ITSN2: variants seen among roughly 807,000 people sequenced by gnomAD.
ITSN2 encodes the protein intersectin 2.
A neutral mutation model predicts 243.7 loss-of-function variants in ITSN2; 156 were observed. The ratio of observed to expected loss-of-function variants is 0.64; its 90% CI spans 0.56 to 0.73. The LOEUF (loss-of-function observed/expected upper bound fraction) is 0.73. ITSN2 is among the 30% of genes least tolerant of loss of function. The pLI is 0.00. For synonymous variants in ITSN2, 703 were observed against 699.9 expected (o/e 1.00, Z -0.07); for missense variants, 1,801 against 1,996.1 (o/e 0.90, Z 1.86).
chr2:24,212,501 G>C, intron 33 of ITSN2, 149 bp downstream of exon 33: 1 of 587,892 alleles, frequency 1.7e-6, no homozygotes, highest in Admixed American at 3.2e-5. Flanking sequence ...ACAGGCATCT[G>C]GTCCCCGGGA....
intron 1 of ITSN2, among the ~76,000 whole-genome samples, chr2:24,336,174 G>A (rs552685911): frequency 8.0e-5 from 12 of 150,778 alleles, no homozygotes; most frequent in African/African-American, 2.7e-4. Context: ...CCCAGGAGGC[G>A]GAGCTTGCAG....
intron 29 of ITSN2, among the ~76,000 whole-genome samples, chr2:24,232,297 A>C (rs994463119): frequency 1.3e-5 from 2 of 152,254 alleles, no homozygotes; most frequent in Admixed American, 6.5e-5. Flanking sequence ...GTCATATTCT[A>C]GAATTTCCAA....
chr2:24,285,390 C>T (rs1679371312), intron 16 of ITSN2, among the ~76,000 whole-genome samples: 1 of 152,118 alleles, frequency 6.6e-6, no homozygotes, highest in Admixed American at 6.5e-5. Flanking sequence ...CTTTAGCATG[C>T]TGTTTACTCT....
Position 24,316,533 on chromosome 2 carries a change from G to A in ITSN2, c.32-1309C>T, listed in dbSNP as rs1412380085. On this transcript the variant is annotated intron_variant, in intron 2 of 39. Coordinates refer to ENST00000355123, the MANE Select transcript of ITSN2 (RefSeq NM_006277.3). ...CCTGACCTCATGATCCACCCACCTC[G>A]GCCTCCCAAAGTGCTGGGATTACAG... Among the ~76,000 whole-genome samples the A allele has an allele frequency of 3.3e-5, 5 of 152,100 alleles. 1 individual carries two copies. The highest frequency in any genetic ancestry group is 4.1e-4 in the South Asian group (2 of 4,822).
intron 17 of ITSN2, among the ~76,000 whole-genome samples, chr2:24,284,381 A>G (rs1365409524): frequency 6.6e-6 from 1 of 152,168 alleles, no homozygotes; most frequent in Non-Finnish European, 1.5e-5. Context: ...ATAAAGTATT[A>G]AGTTTTATTT....
At chr2:24,304,713 TC>T (rs1464012524) in intron 8 of ITSN2, among the ~76,000 whole-genome samples, 4 of 152,032 alleles carry the variant, frequency 2.6e-5, no homozygotes, top group African/African-American at 9.7e-5. Flanking sequence ...CGAAAAAAGA[TC>T]CTTTTGGACT....
At chr2:24,337,175 C>T (rs1176344080) in intron 1 of ITSN2, among the ~76,000 whole-genome samples, 2 of 148,206 alleles carry the variant, frequency 1.3e-5, no homozygotes, top group African/African-American at 5.0e-5. Context: ...CTTCATGATT[C>T]AATATTTTGA....
intron 1 of ITSN2, among the ~76,000 whole-genome samples, chr2:24,331,542 G>C (rs1413909987): frequency 6.6e-6 from 1 of 152,188 alleles, no homozygotes; most frequent in Non-Finnish European, 1.5e-5. Context: ...CAGGAGGAGG[G>C]ATTCCCTGAC....
At chr2:24,226,613 T>G (rs1307282579) in intron 29 of ITSN2, among the ~76,000 whole-genome samples, 1 of 152,130 alleles carries the variant, frequency 6.6e-6, no homozygotes, top group Admixed American at 6.5e-5. Flanking sequence ...GTGCTCAGAC[T>G]TTGTCTGAAA....
rs1183351799 is a variant in ITSN2 at position 24,203,722 on chromosome 2, G to A, written c.4998C>T (p.Gly1666=). The change falls in exon 40 of 40, where the codon GGC becomes GGT. Residue 1666 remains glycine (G), a synonymous_variant. Transcript: ENST00000355123. ...AKIRTEQESK[G]PMTRRLLLHE... is the part of the protein sequence containing the mutation. ...GCAGCAGCAGTCGGCGGGTCATAGG[G>A]CCTTTGCTTTCCTGTTCTGTTCGAA... The A allele has an allele frequency of 6.2e-7, 1 of 1,614,066 alleles. No individual in the cohort carries two copies. The highest frequency in any genetic ancestry group is 1.3e-5 in the African/African-American group (1 of 74,930).
intron 1 of ITSN2, among the ~76,000 whole-genome samples, chr2:24,337,325 T>TATATATAC (rs1686521686): frequency 1.1e-5 from 1 of 94,472 alleles, no homozygotes; most frequent in East Asian, 2.8e-4. Flanking sequence ...AATATATATA[T>TATATATAC]ATATATATAT....
chr2:24,315,979 A>C (rs765670740), intron 2 of ITSN2, among the ~76,000 whole-genome samples: 3 of 152,220 alleles, frequency 2.0e-5, no homozygotes, highest in Non-Finnish European at 2.9e-5. Flanking sequence ...CTGAGTTAGA[A>C]GCACCAAGGA....
intron 1 of ITSN2, among the ~76,000 whole-genome samples, chr2:24,347,856 C>G (rs1040626643): frequency 2.6e-5 from 4 of 151,848 alleles, no homozygotes; most frequent in Non-Finnish European, 4.4e-5. Flanking sequence ...GAGAATCATT[C>G]GAGGCTGGGA....
chr2:24,316,617 G>GA (rs1683968001), intron 2 of ITSN2, among the ~76,000 whole-genome samples: 1 of 152,180 alleles, frequency 6.6e-6, no homozygotes, highest in Non-Finnish European at 1.5e-5. Flanking sequence ...AATAATTTTA[G>GA]ATTTACAGAA....
intron 8 of ITSN2, among the ~76,000 whole-genome samples, chr2:24,307,502 C>T (rs546142092): frequency 6.6e-6 from 1 of 152,196 alleles, no homozygotes; most frequent in South Asian, 2.1e-4. Flanking sequence ...GTGAACCTAC[C>T]ACCCATCTTA....
At chr2:24,254,580 TTA>T in intron 23 of ITSN2, 149 bp from the exon 24 acceptor site, 1 of 512,278 alleles carries the variant, frequency 2.0e-6, no homozygotes, top group Admixed American at 3.2e-5. Context: ...CTGGGAAGAC[TTA>T]TACACAACAT....
intron 2 of ITSN2, among the ~76,000 whole-genome samples, chr2:24,324,164 G>A (rs1290515573): frequency 1.3e-5 from 2 of 152,098 alleles, no homozygotes; most frequent in Non-Finnish European, 2.9e-5. Context: ...CCCAGTAGGC[G>A]GAGCTTGCAG....
At chr2:24,287,614 A>G (rs566094606) in intron 15 of ITSN2, among the ~76,000 whole-genome samples, 2 of 152,176 alleles carry the variant, frequency 1.3e-5, no homozygotes, top group East Asian at 1.9e-4. Flanking sequence ...AGAAACCTTC[A>G]TACTGTTTTC....
chr2:24,209,661 G>C (rs1400805615), intron 35 of ITSN2, among the ~76,000 whole-genome samples, 157 bp downstream of exon 35: 1 of 152,196 alleles, frequency 6.6e-6, no homozygotes, highest in African/African-American at 2.4e-5. Context: ...AGCTGCATGG[G>C]GCCCTTCCCG....
Sources: allele counts gnomAD v4.1 joint callset (sites outside exome capture counted in the v4.1 genomes callset), GRCh38; gene constraint gnomAD v4.1.1; transcripts MANE v1.5; gene names NCBI Gene and HGNC (gene_info 2026-07-23, HGNC 2026-07-21).